The following PLCG2 variants were observed in gnomAD, a reference collection of about 807,000 sequenced individuals.
PLCG2 encodes 1-phosphatidylinositol 4,5-bisphosphate phosphodiesterase gamma-2.
PLCG2 carries 69 observed loss-of-function variants against 175.6 expected under a neutral mutation model. The ratio of observed to expected loss-of-function variants is 0.39; its 90% CI spans 0.32 to 0.48. PLCG2 has a LOEUF of 0.48. Ranked by LOEUF, PLCG2 falls within the 20% of genes least tolerant of loss-of-function variation. PLCG2 has a pLI of 0.91. For missense variants in PLCG2, 1,798 were observed against 1,650.9 expected, an observed-to-expected ratio of 1.09 and a Z score of -1.54; for synonymous variants, 827 against 624.0, an observed-to-expected ratio of 1.33 and a Z score of -4.85.
chr16:81,945,152 G>T (rs1237732339), intron 30 of PLCG2, among the ~76,000 whole-genome samples: 1 of 152,232 alleles, frequency 6.6e-6, no homozygotes, highest in East Asian at 1.9e-4. Context: ...GCAGCGGAAA[G>T]TGAGAGATTC....
At chr16:81,743,325 T>A (rs555384880) in intron 1 of PLCG2, among the ~76,000 whole-genome samples, 1 of 152,322 alleles carries the variant, frequency 6.6e-6, no homozygotes, top group South Asian at 2.1e-4. Context: ...CCTTCCAGTC[T>A]GGATGACAGA....
chr16:81,869,409 T>C, intron 6 of PLCG2, 111 bp downstream of exon 6: 1 of 760,730 alleles, frequency 1.3e-6, no homozygotes, highest in Non-Finnish European at 2.4e-6. Context: ...AAGAAAATCC[T>C]TTGCCTCCAG....
Position 81,785,995 on chromosome 16 carries a change from C to G in PLCG2, c.6C>G (p.Ser2=). The G allele has an allele frequency of 1.2e-6, 2 of 1,613,434 alleles. No homozygotes were observed. The highest frequency in any genetic ancestry group is 1.7e-6 in the Non-Finnish European group (2 of 1,179,508). The change falls in exon 2 of 33, where the codon TCC becomes TCG. Residue 2 remains serine, a synonymous_variant. Coordinates refer to ENST00000564138, the MANE Select transcript of PLCG2 (RefSeq NM_002661.5). ...TCTCCCTGGAGCGGCCGACAATGTC[C>G]ACCACGGTCAATGTAGATTCCCTTG... is the stretch of plus-strand genomic sequence containing the variant. M[S]TTVNVDSLAE...
intron 8 of PLCG2, 63 bp from the exon 9 acceptor site, chr16:81,883,206 C>A: frequency 6.9e-7 from 1 of 1,453,842 alleles, no homozygotes; most frequent in Non-Finnish European, 9.7e-7. Flanking sequence ...TGGCTGGCAT[C>A]TCCTCTCGAC....
upstream of PLCG2, among the ~76,000 whole-genome samples, chr16:81,778,032 CAAAAAAA>C (rs566484508): frequency 1.7e-5 from 1 of 58,710 alleles, no homozygotes; most frequent in African/African-American, 8.7e-5. Context: ...AAAAAAAAAA[CAAAAAAA>C]AAACAAAAAA....
chr16:81,849,254 C>A (rs1222660012), intron 2 of PLCG2, among the ~76,000 whole-genome samples: 1 of 152,184 alleles, frequency 6.6e-6, no homozygotes, highest in Admixed American at 6.5e-5. Flanking sequence ...AGTCAGGAAG[C>A]TGCCTCCATA....
At chr16:81,954,550 T>C in intron 31 of PLCG2, among the ~76,000 whole-genome samples, 1 of 152,214 alleles carries the variant, frequency 6.6e-6, no homozygotes, top group East Asian at 1.9e-4. Flanking sequence ...GTGTCCTCAT[T>C]GTTCAACTCC....
chr16:81,939,858 A>T (rs765777455), intron 29 of PLCG2, 34 bp from the exon 30 acceptor site: 19 of 1,511,996 alleles, frequency 1.3e-5, no homozygotes, highest in Non-Finnish European at 1.6e-5. Context: ...GGCAGCTCCA[A>T]TGTGGCCTCT....
chr16:81,885,002 C>G (rs1256911017), intron 9 of PLCG2, among the ~76,000 whole-genome samples: 1 of 152,090 alleles, frequency 6.6e-6, no homozygotes, highest in Non-Finnish European at 1.5e-5. Flanking sequence ...ATCCTCCTGC[C>G]TCAGCCTCCC....
intron 11 of PLCG2, among the ~76,000 whole-genome samples, chr16:81,893,416 G>A (rs960856235): frequency 2.0e-5 from 3 of 149,608 alleles, no homozygotes; most frequent in Admixed American, 6.6e-5. Context: ...TGCTTCTGAC[G>A]TGCTTTGACC....
intron 7 of PLCG2, among the ~76,000 whole-genome samples, chr16:81,877,306 A>T (rs896186697): frequency 2.6e-5 from 4 of 152,244 alleles, no homozygotes; most frequent in East Asian, 1.9e-4. Flanking sequence ...TACAAAAAAA[A>T]TTAGCTGGGC....
chr16:81,952,923 A>AC (rs1287126968), intron 31 of PLCG2, among the ~76,000 whole-genome samples: 1 of 152,198 alleles, frequency 6.6e-6, no homozygotes, highest in Non-Finnish European at 1.5e-5. Flanking sequence ...CAGCGGATAG[A>AC]CCCTGCAGCT....
In PLCG2 at chr16:81,859,163, G is replaced by A. The variant is rs748011545; in HGVS notation, c.479G>A (p.Ser160Asn). The change falls in exon 5 of 33, where the codon AGC becomes AAC. Residue 160 changes from serine to asparagine, a missense_variant and splice_region_variant. Physicochemically the swap from Ser to Asn is conservative, Grantham distance 46. Transcript: ENST00000564138. Reference sequence around the variant, plus strand: ...TCTGTGGATCAAACCAGAAGAAACAGGTAAGAGTCATTCAGTTTTTTTCTG... The same window carrying A: ...TCTGTGGATCAAACCAGAAGAAACAAGTAAGAGTCATTCAGTTTTTTTCTG... ...IYSVDQTRRN[S>N]ISLRELKTIL... 6.3e-7 allele frequency: 1 copy of A among 1,586,706 alleles called. No individual in the cohort carries two copies. The highest frequency in any genetic ancestry group is 1.1e-5 in the South Asian group (1 of 90,498).
chr16:81,930,989 C>T (rs148491296), intron 24 of PLCG2, among the ~76,000 whole-genome samples: 3 of 152,184 alleles, frequency 2.0e-5, no homozygotes, highest in Non-Finnish European at 2.9e-5. Flanking sequence ...AAAGCATTTT[C>T]TAATTGGTCA....
intron 2 of PLCG2, among the ~76,000 whole-genome samples, chr16:81,772,722 G>A (rs894852678): frequency 3.3e-5 from 5 of 151,974 alleles, no homozygotes; most frequent in African/African-American, 1.2e-4. Flanking sequence ...GGAGGCTGAG[G>A]CAGGATAACC....
intron 2 of PLCG2, among the ~76,000 whole-genome samples, chr16:81,832,178 T>C (rs72832050): frequency 0.11 from 17,390 of 152,124 alleles, 1,085 homozygotes; most frequent in Middle Eastern, 0.2. Context: ...CTTTGCTCAG[T>C]GCCTGACTCA....
At chr16:81,774,229 A>G (rs988846236) in intron 2 of PLCG2, among the ~76,000 whole-genome samples, 1 of 145,788 alleles carries the variant, frequency 6.9e-6, no homozygotes, top group African/African-American at 2.5e-5. Flanking sequence ...GCACGCCTGT[A>G]GTCCCAACTA....
At chr16:81,816,921 C>G (rs1301535044) in intron 2 of PLCG2, among the ~76,000 whole-genome samples, 1 of 152,144 alleles carries the variant, frequency 6.6e-6, no homozygotes, top group African/African-American at 2.4e-5. Context: ...GGTTCTGCCT[C>G]TTTCTAGCTG....
At chr16:81,871,756 T>A (rs1907527246) in intron 7 of PLCG2, among the ~76,000 whole-genome samples, 1 of 152,176 alleles carries the variant, frequency 6.6e-6, no homozygotes, top group African/African-American at 2.4e-5. Flanking sequence ...GGGGACTCTG[T>A]TTTATGAAAG....
Sources: gnomAD v4.1 joint callset for allele counts (sites outside exome capture counted in the v4.1 genomes callset) on GRCh38, gnomAD v4.1.1 for gene constraint, MANE v1.5 for transcripts, NCBI Gene and HGNC (gene_info 2026-07-23, HGNC 2026-07-21) for gene names.